EYS: variants seen among roughly 807,000 people sequenced by gnomAD.
EYS encodes EGF-like photoreceptor maintenance factor, also known as protein eyes shut homolog.
In EYS, 250 loss-of-function variants were observed where a neutral mutation model predicts 282.1. The observed-to-expected ratio is 0.89, with a 90% CI of 0.80 to 0.98. The LOEUF is 0.98. Among genes scored for constraint, EYS ranks in the 50% least tolerant of loss-of-function variants. The pLI is 0.00. For missense variants in EYS, 4,016 were observed against 3,709.0 expected, an observed-to-expected ratio of 1.08 and a Z score of -2.15; for synonymous variants, 1,355 against 1,282.9, an observed-to-expected ratio of 1.06 and a Z score of -1.20.
chr6:65,640,205 C>T (rs1312246976), intron 1 of EYS, among the ~76,000 whole-genome samples: 1 of 152,116 alleles, frequency 6.6e-6, no homozygotes, highest in African/African-American at 2.4e-5. Context: ...ATGCTTTTCC[C>T]ATTCCATTGT....
chr6:64,662,571 C>T (rs1230514456), intron 22 of EYS, among the ~76,000 whole-genome samples: 3 of 152,070 alleles, frequency 2.0e-5, no homozygotes, highest in Non-Finnish European at 4.4e-5. Flanking sequence ...TTATTAAACT[C>T]CCAGTGAATA....
At chr6:64,165,323 T>C (rs1207404932) in intron 31 of EYS, among the ~76,000 whole-genome samples, 1 of 152,078 alleles carries the variant, frequency 6.6e-6, no homozygotes, top group Non-Finnish European at 1.5e-5. Context: ...GCAGTGTTAA[T>C]CTATGATTTT....
intron 22 of EYS, among the ~76,000 whole-genome samples, chr6:64,718,256 A>C (rs895023686): frequency 1.3e-5 from 2 of 152,112 alleles, no homozygotes; most frequent in African/African-American, 4.8e-5. Flanking sequence ...ACACCCCTCA[A>C]GTATCTACCA....
intron 8 of EYS, among the ~76,000 whole-genome samples, chr6:65,356,843 G>A (rs953503576): frequency 6.6e-6 from 1 of 151,904 alleles, no homozygotes; most frequent in Admixed American, 6.6e-5. Flanking sequence ...TTGTCATATA[G>A]GTCTATCTCT....
intron 28 of EYS, among the ~76,000 whole-genome samples, chr6:64,395,989 A>T (rs952055013): frequency 6.6e-6 from 1 of 151,970 alleles, no homozygotes; most frequent in East Asian, 1.9e-4. Flanking sequence ...AACATAGTCA[A>T]GTAACCACTA....
At chr6:64,442,396 C>T (rs903267208) in intron 26 of EYS, among the ~76,000 whole-genome samples, 6 of 151,990 alleles carry the variant, frequency 3.9e-5, no homozygotes, top group South Asian at 2.1e-4. Flanking sequence ...AAATTTGCAC[C>T]CTGACAATGC....
At chr6:64,592,016 G>C (rs751653903) in intron 25 of EYS, 27 bp from the exon 26 acceptor site, 18 of 1,433,042 alleles carry the variant, frequency 1.3e-5, no homozygotes, top group African/African-American at 2.9e-5. Flanking sequence ...AGCCAAAAAG[G>C]TTAGAAAAAT....
chr6:65,292,755 A>C (rs1768561632), intron 12 of EYS, among the ~76,000 whole-genome samples: 1 of 151,756 alleles, frequency 6.6e-6, no homozygotes, highest in Non-Finnish European at 1.5e-5. Context: ...CTTCTACAGA[A>C]ATAAAAATTA....
At chr6:64,928,824 G>A (rs1360917408) in intron 15 of EYS, among the ~76,000 whole-genome samples, 1 of 151,954 alleles carries the variant, frequency 6.6e-6, no homozygotes, top group Non-Finnish European at 1.5e-5. Context: ...AATACGGAAT[G>A]ATTTTTTTCT....
intron 30 of EYS, among the ~76,000 whole-genome samples, chr6:64,302,668 C>A (rs1453465640): frequency 6.6e-6 from 1 of 152,136 alleles, no homozygotes; most frequent in Non-Finnish European, 1.5e-5. Flanking sequence ...CCCACTCCAT[C>A]CTTAAAAATA....
intron 31 of EYS, among the ~76,000 whole-genome samples, chr6:64,102,607 A>G (rs1772869924): frequency 6.6e-6 from 1 of 152,192 alleles, no homozygotes; most frequent in Admixed American, 6.5e-5. Context: ...TAATTACTAC[A>G]TCAAGTATTT....
intron 31 of EYS, among the ~76,000 whole-genome samples, chr6:64,124,437 C>T (rs541082027): frequency 3.4e-4 from 52 of 152,252 alleles, no homozygotes; most frequent in Admixed American, 3.4e-3. Flanking sequence ...CTCTAAGCAT[C>T]CAGTGTAACA....
At chr6:64,605,201 T>C (rs368560916) in intron 24 of EYS, among the ~76,000 whole-genome samples, 14 of 123,992 alleles carry the variant, frequency 1.1e-4, no homozygotes, top group African/African-American at 2.8e-4. Flanking sequence ...TTCACAATGA[T>C]TAAGTTTAAT....
At chr6:64,095,409 A>G (rs1772556110) in intron 31 of EYS, among the ~76,000 whole-genome samples, 1 of 152,018 alleles carries the variant, frequency 6.6e-6, no homozygotes, top group Non-Finnish European at 1.5e-5. Context: ...GTAGGTCTCT[A>G]AGGACTTGCT....
At chr6:64,491,661 A>G (rs2150506176) in intron 26 of EYS, among the ~76,000 whole-genome samples, 1 of 151,144 alleles carries the variant, frequency 6.6e-6, no homozygotes, top group East Asian at 1.9e-4. Context: ...CTCTTTGCAG[A>G]TGAGTAAACT....
chr6:65,173,431 A>G (rs1337652385), intron 12 of EYS, among the ~76,000 whole-genome samples: 1 of 151,286 alleles, frequency 6.6e-6, no homozygotes, highest in Non-Finnish European at 1.5e-5. Flanking sequence ...GGACTCACCA[A>G]GTATTACAAA....
At chr6:65,653,372 C>T (rs540293480) in intron 1 of EYS, among the ~76,000 whole-genome samples, 1 of 151,838 alleles carries the variant, frequency 6.6e-6, no homozygotes, top group African/African-American at 2.4e-5. Flanking sequence ...AAGAGTGAAT[C>T]TAGAGATATA....
intron 15 of EYS, among the ~76,000 whole-genome samples, chr6:64,919,265 G>A (rs144431183): frequency 0.031 from 4,760 of 152,110 alleles, 133 homozygotes; most frequent in East Asian, 0.13. Flanking sequence ...TCTGCTGCCC[G>A]GGTTCAAGCG....
chr6:63,938,423 G>A (rs1293944758), intron 35 of EYS, among the ~76,000 whole-genome samples: 1 of 152,184 alleles, frequency 6.6e-6, no homozygotes, highest in African/African-American at 2.4e-5. Context: ...ACTTCTGGAT[G>A]CAACCACAGG....
Sources: allele counts gnomAD v4.1 joint callset (sites outside exome capture counted in the v4.1 genomes callset), GRCh38; gene constraint gnomAD v4.1.1; transcripts MANE v1.5; gene names NCBI Gene and HGNC (gene_info 2026-07-23, HGNC 2026-07-21).